Variants in ANXA8 observed in about 807,000 individuals in gnomAD.
ANXA8 encodes annexin A8.
ANXA8 carries 9 observed loss-of-function variants against 26.8 expected under a neutral mutation model. The ratio of observed to expected loss-of-function variants is 0.34; its 90% CI spans 0.20 to 0.59. ANXA8 has a LOEUF of 0.59. Ranked by LOEUF, ANXA8 falls within the 20% of genes least tolerant of loss-of-function variation. The probability of loss-of-function intolerance (pLI) is 0.84; values close to 1 mark genes in which losing one functional copy is unlikely to be tolerated. For synonymous variants in ANXA8, 39 were observed against 94.8 expected (o/e 0.41, Z 3.42); for missense variants, 83 against 238.5 (o/e 0.35, Z 4.29).
the ANXA8 span, among the ~76,000 whole-genome samples, chr10:47,887,638 GT>G: frequency 0.095 from 66 of 692 alleles, 5 homozygotes; most frequent in African/African-American, 0.26. Flanking sequence ...TTCCTTTGAG[GT>G]TTTTTTTCTA....
the ANXA8 span, among the ~76,000 whole-genome samples, chr10:47,937,231 C>A: frequency 1.3e-5 from 2 of 149,778 alleles, no homozygotes; most frequent in African/African-American, 4.9e-5. Flanking sequence ...CCACAGAAGC[C>A]TTGTCGGATG....
At chr10:47,982,226 G>T in the ANXA8 span, among the ~76,000 whole-genome samples, 2 of 149,374 alleles carry the variant, frequency 1.3e-5, no homozygotes, top group Non-Finnish European at 3.0e-5. Context: ...AGAGGTCTAT[G>T]ATGCAGTGAC....
chr10:47,488,859 C>T (rs1398016953), upstream of ANXA8, among the ~76,000 whole-genome samples: 29 of 145,622 alleles, frequency 2.0e-4, 1 homozygote, highest in African/African-American at 7.4e-4. Context: ...TCCCGAGTAG[C>T]TAGGACTACA....
chr10:47,987,033 G>A, the ANXA8 span: 25 of 542,006 alleles, frequency 4.6e-5, no homozygotes, highest in African/African-American at 4.2e-4. Context: ...GCCGTCCGGG[G>A]AGCACAGGCA....
the ANXA8 span, among the ~76,000 whole-genome samples, chr10:47,745,467 T>G: frequency 1.4e-5 from 2 of 143,254 alleles, no homozygotes; most frequent in Non-Finnish European, 3.0e-5. Flanking sequence ...CATCGTTTTC[T>G]TCCTTTGACT....
chr10:47,652,624 C>T, the ANXA8 span, among the ~76,000 whole-genome samples: 1 of 147,328 alleles, frequency 6.8e-6, no homozygotes, highest in African/African-American at 2.6e-5. Flanking sequence ...ATGGTATTTG[C>T]TTTGGAATTA....
At chr10:47,974,905 T>C in the ANXA8 span, among the ~76,000 whole-genome samples, 118,454 of 148,712 alleles carry the variant, frequency 0.8, 48,433 homozygotes, top group Non-Finnish European at 0.84. Context: ...TATGAGGCCC[T>C]TGTAGATAAA....
At chr10:47,950,684 G>A in the ANXA8 span, among the ~76,000 whole-genome samples, 1 of 150,690 alleles carries the variant, frequency 6.6e-6, no homozygotes, top group African/African-American at 2.5e-5. Context: ...AGGATATCTA[G>A]AAAATCCCCA....
rs1427838234 is a variant in ANXA8, at chr10:47,468,855, C to T, written c.976G>A (p.Asp326Asn). ...TCTTGTTCTTCTGTGCCTCAGGGGT[C>T]GCTGCCCACCAGGCTCAGCAGGGCG... ...KNALLSLVGS[D>N]P The change falls in exon 12 of 12, where the codon GAC (aspartate) becomes AAC (asparagine). Residue 326 changes from aspartate to asparagine, a missense_variant. Transcript: ENST00000585281. 1.3e-5 allele frequency: 21 copies of T among 1,610,724 alleles called. No homozygotes were observed. Among genetic ancestry groups the T allele is most frequent in the African/African-American group, 4.0e-5 (3 of 74,444 alleles).
the ANXA8 span, among the ~76,000 whole-genome samples, chr10:47,580,980 C>T: frequency 6.7e-6 from 1 of 150,094 alleles, no homozygotes; most frequent in East Asian, 1.9e-4. Context: ...GGAGGCTGAG[C>T]CAGGATAATC....
chr10:47,664,395 A>ATAAG, the ANXA8 span, among the ~76,000 whole-genome samples: 1 of 150,998 alleles, frequency 6.6e-6, no homozygotes, highest in Admixed American at 6.6e-5. Flanking sequence ...AAATAAATAA[A>ATAAG]TAATAAAAAT....
chr10:47,974,542 A>G, the ANXA8 span, among the ~76,000 whole-genome samples: 12 of 147,134 alleles, frequency 8.2e-5, 1 homozygote, highest in Middle Eastern at 3.2e-3. Context: ...AACGTTATAA[A>G]CTTTCCTCTT....
chr10:47,648,254 A>G, the ANXA8 span, among the ~76,000 whole-genome samples: 1 of 151,824 alleles, frequency 6.6e-6, no homozygotes, highest in Admixed American at 6.6e-5. Flanking sequence ...ACGTAGCAGG[A>G]TCCCACTTGA....
the ANXA8 span, among the ~76,000 whole-genome samples, chr10:47,980,436 A>G: frequency 6.6e-6 from 1 of 151,564 alleles, no homozygotes; most frequent in Admixed American, 6.6e-5. Context: ...GGAAATAAAT[A>G]AAACGGAATA....
At chr10:47,671,640 G>C in the ANXA8 span, among the ~76,000 whole-genome samples, 3 of 151,356 alleles carry the variant, frequency 2.0e-5, no homozygotes, top group East Asian at 5.8e-4. Context: ...ATTTGTTGAA[G>C]GGCTCAATGG....
At chr10:47,510,146 C>T in the ANXA8 span, 40 of 1,169,282 alleles carry the variant, frequency 3.4e-5, 4 homozygotes, top group Non-Finnish European at 4.7e-5. Flanking sequence ...AGGAATCTGT[C>T]CCTCGGCAGC....
At chr10:47,675,947 A>C in the ANXA8 span, among the ~76,000 whole-genome samples, 2 of 151,428 alleles carry the variant, frequency 1.3e-5, no homozygotes, top group Non-Finnish European at 2.9e-5. Context: ...TATTAAATAG[A>C]GGTGAAAAAT....
the ANXA8 span, among the ~76,000 whole-genome samples, chr10:47,683,623 C>T: frequency 1.3e-3 from 192 of 150,230 alleles, 1 homozygote; most frequent in African/African-American, 4.2e-3. Flanking sequence ...AAAAGGATGA[C>T]TTTCTTTAAC....
the ANXA8 span, chr10:47,706,174 G>C: frequency 1.7e-6 from 1 of 583,074 alleles, no homozygotes; most frequent in African/African-American, 1.9e-5. Context: ...GGTTGATGTG[G>C]TTGGGCCGGG....
Sources: allele counts gnomAD v4.1 joint callset (sites outside exome capture counted in the v4.1 genomes callset), GRCh38; gene constraint gnomAD v4.1.1; transcripts MANE v1.5; gene names NCBI Gene and HGNC (gene_info 2026-07-23, HGNC 2026-07-21).